The following UNC13C variants were observed in gnomAD, a reference collection of about 807,000 sequenced individuals.
The protein encoded by UNC13C is protein unc-13 homolog C.
A neutral mutation model predicts 245.4 loss-of-function variants in UNC13C; 174 were observed. The ratio of observed to expected loss-of-function variants is 0.71; its 90% CI spans 0.63 to 0.80. The LOEUF is 0.80. UNC13C is among the 30% of genes least tolerant of loss of function. The pLI, the probability that UNC13C is intolerant of heterozygous loss-of-function variation, is 0.00. For missense variants in UNC13C, 2,829 were observed against 2,602.9 expected, an observed-to-expected ratio of 1.09 and a Z score of -1.89; for synonymous variants, 992 against 895.1, an observed-to-expected ratio of 1.11 and a Z score of -1.93.
Position 54,327,169 on chromosome 15 carries a change from T to A in UNC13C, c.4426-4874T>A, listed in dbSNP as rs554940242. 4.9e-4 allele frequency among the ~76,000 whole-genome samples: 75 copies of A among 152,154 alleles called. No homozygotes were observed. The South Asian group carries it at 0.015, about 31-fold the overall frequency. On this transcript the variant is annotated intron_variant, in intron 14 of 32. Coordinates refer to ENST00000260323, the MANE Select transcript of UNC13C (RefSeq NM_001080534.3). ...AGGTGTCTTTAGGAAATTTATTTAGTGAATTATCTTGAAATACAAATATCA... is the reference window on the plus strand; with the variant it reads ...AGGTGTCTTTAGGAAATTTATTTAGAGAATTATCTTGAAATACAAATATCA...
chr15:54,278,179 C>G (rs1324694868), intron 10 of UNC13C, among the ~76,000 whole-genome samples: 1 of 152,118 alleles, frequency 6.6e-6, no homozygotes, highest in Non-Finnish European at 1.5e-5. Context: ...AATATTGGCA[C>G]CCAACTCTCT....
intron 24 of UNC13C, among the ~76,000 whole-genome samples, chr15:54,519,381 A>G (rs1002930451): frequency 1.3e-5 from 2 of 152,124 alleles, no homozygotes; most frequent in Non-Finnish European, 2.9e-5. Flanking sequence ...AGTGAATTAT[A>G]AAAGGTAAGG....
At chr15:54,485,516 C>G (rs1304280124) in intron 19 of UNC13C, among the ~76,000 whole-genome samples, 1 of 152,206 alleles carries the variant, frequency 6.6e-6, no homozygotes, top group Admixed American at 6.5e-5. Context: ...CAGTAGCCTT[C>G]TGCATCTCCT....
intron 4 of UNC13C, among the ~76,000 whole-genome samples, chr15:54,212,495 C>T (rs574852014): frequency 1.3e-5 from 2 of 152,026 alleles, no homozygotes; most frequent in South Asian, 4.1e-4. Context: ...CAATACCGTG[C>T]TCCTTGTGGG....
At chr15:54,086,969 C>G (rs952331990) in intron 2 of UNC13C, among the ~76,000 whole-genome samples, 4 of 152,010 alleles carry the variant, frequency 2.6e-5, no homozygotes, top group East Asian at 1.9e-4. Flanking sequence ...CTCCTGACCT[C>G]ATGATCCACC....
At chr15:54,506,742 C>G (rs916175701) in intron 22 of UNC13C, among the ~76,000 whole-genome samples, 2 of 151,920 alleles carry the variant, frequency 1.3e-5, no homozygotes, top group Admixed American at 1.3e-4. Flanking sequence ...AAAATAAAAG[C>G]TTTTTTGTCT....
At chr15:54,073,045 C>T (rs764738762) in intron 2 of UNC13C, among the ~76,000 whole-genome samples, 2 of 152,060 alleles carry the variant, frequency 1.3e-5, no homozygotes, top group Admixed American at 1.3e-4. Flanking sequence ...CTCCACCCCC[C>T]GACAGGCCCT....
At chr15:54,243,385 T>C (rs547755751) in intron 7 of UNC13C, among the ~76,000 whole-genome samples, 5 of 152,182 alleles carry the variant, frequency 3.3e-5, no homozygotes, top group African/African-American at 4.8e-5. Flanking sequence ...CAGTCTATCA[T>C]TGATGGACAT....
intron 4 of UNC13C, among the ~76,000 whole-genome samples, chr15:54,172,532 G>GTATAAAT (rs1349505219): frequency 6.6e-6 from 1 of 151,088 alleles, no homozygotes; most frequent in East Asian, 1.9e-4. Flanking sequence ...TTGATGAGTA[G>GTATAAAT]TATACCGTTG....
At chr15:54,626,251 C>T (rs957419870) in intron 32 of UNC13C, among the ~76,000 whole-genome samples, 2 of 152,064 alleles carry the variant, frequency 1.3e-5, no homozygotes, top group Admixed American at 6.6e-5. Context: ...TAACTGTTAC[C>T]ATAGGAAAGA....
the UNC13C span, among the ~76,000 whole-genome samples, chr15:53,847,720 A>T: frequency 6.6e-6 from 1 of 152,154 alleles, no homozygotes; most frequent in Middle Eastern, 3.4e-3. Flanking sequence ...GCCTTTAGAT[A>T]TAGGAAAATC....
Position 54,321,941 on chromosome 15 carries a change from A to G in UNC13C, c.4271A>G (p.His1424Arg), listed in dbSNP as rs2038171987. ...GIESIYQAMT[H>R]FSCLSSKYMC... ...ACTTTATGTTTTTTGTCTTTCAGGC[A>G]CTTTTCATGTCTGTCTTCTAAATAC... The change falls in exon 14 of 33, where the codon CAC (histidine) becomes CGC (arginine). Residue 1424 changes from histidine (H) to arginine (R), a missense_variant and splice_region_variant. Transcript: ENST00000260323. The G allele has an allele frequency of 6.4e-7, 1 of 1,567,496 alleles. No homozygotes were observed. Among genetic ancestry groups the G allele is most frequent in the Non-Finnish European group, 8.7e-7 (1 of 1,155,778 alleles).
chr15:54,339,475 C>T (rs11634807), intron 17 of UNC13C, among the ~76,000 whole-genome samples: 39,640 of 151,800 alleles, frequency 0.26, 5,701 homozygotes, highest in Admixed American at 0.35. Context: ...CGCCTTTGCA[C>T]CCTCATAGCT....
chr15:54,395,823 T>C (rs1175064571), intron 18 of UNC13C, among the ~76,000 whole-genome samples: 1 of 151,780 alleles, frequency 6.6e-6, no homozygotes, highest in Non-Finnish European at 1.5e-5. Flanking sequence ...GACTAATGTA[T>C]ATTCAGGCAT....
chr15:54,324,381 A>C (rs1031413757), intron 14 of UNC13C, among the ~76,000 whole-genome samples: 1 of 152,106 alleles, frequency 6.6e-6, no homozygotes, highest in Non-Finnish European at 1.5e-5. Flanking sequence ...TTTCTTACCT[A>C]TGAGAATTGT....
At chr15:54,070,832 C>T (rs1452716695) in intron 2 of UNC13C, among the ~76,000 whole-genome samples, 2 of 152,118 alleles carry the variant, frequency 1.3e-5, no homozygotes, top group Non-Finnish European at 1.5e-5. Context: ...TATTAAGATC[C>T]CAACTCATTA....
At chr15:53,977,115 C>A (rs2140940512), upstream of UNC13C, among the ~76,000 whole-genome samples, 2 of 152,266 alleles carry the variant, frequency 1.3e-5, 1 homozygote, top group South Asian at 4.1e-4. Context: ...AGACCTTGAG[C>A]AGCTGCTCAG....
chr15:54,603,964 T>C (rs1261098585), intron 30 of UNC13C, among the ~76,000 whole-genome samples: 2 of 152,162 alleles, frequency 1.3e-5, no homozygotes, highest in Non-Finnish European at 2.9e-5. Flanking sequence ...TCCCACTCTT[T>C]GTTACCAATA....
At chr15:54,466,837 A>C (rs1434094973) in intron 19 of UNC13C, among the ~76,000 whole-genome samples, 1 of 151,938 alleles carries the variant, frequency 6.6e-6, no homozygotes, top group Non-Finnish European at 1.5e-5. Context: ...AAATGTAATA[A>C]AAGATTAATA....
Sources: gnomAD v4.1 joint callset for allele counts (sites outside exome capture counted in the v4.1 genomes callset) on GRCh38, gnomAD v4.1.1 for gene constraint, MANE v1.5 for transcripts, NCBI Gene and HGNC (gene_info 2026-07-23, HGNC 2026-07-21) for gene names.